SLIT3: variants seen among roughly 807,000 people sequenced by gnomAD.
The protein encoded by SLIT3 is slit guidance ligand 3.
SLIT3 carries 68 observed loss-of-function variants against 184.0 expected under a neutral mutation model. That is an observed-to-expected ratio of 0.37 (90% CI 0.30 to 0.45). The LOEUF (loss-of-function observed/expected upper bound fraction) is 0.45. SLIT3 is among the 20% of genes least tolerant of loss of function. The pLI is 1.00. For missense variants in SLIT3, 1,707 were observed against 2,026.0 expected (o/e 0.84, Z 3.02); for synonymous variants, 831 against 828.6 (o/e 1.00, Z -0.05).
chr5:168,968,217 C>T (rs939243039), intron 4 of SLIT3, among the ~76,000 whole-genome samples: 3 of 152,180 alleles, frequency 2.0e-5, no homozygotes, highest in African/African-American at 7.2e-5. Context: ...TATCAGCAAG[C>T]TTAGCGCCCC....
rs1014450241 is a variant in SLIT3, at chr5:169,295,772, A to G, written c.197+4741T>C. ...CAAACAATACTGGAGAGAAAACAAC[A>G]TAACAATCAAAACGGCAAAAATGCA... On this transcript the variant is annotated intron_variant, in intron 1 of 35. Coordinates refer to ENST00000519560, the MANE Select transcript of SLIT3 (RefSeq NM_003062.4). Among the ~76,000 whole-genome samples the G allele has an allele frequency of 2.6e-5, 4 of 152,268 alleles. No individual in the cohort carries two copies. In the South Asian group the frequency reaches 6.2e-4, roughly 24 times the overall value.
chr5:169,002,941 T>C (rs1270602822), intron 4 of SLIT3, among the ~76,000 whole-genome samples: 1 of 152,220 alleles, frequency 6.6e-6, no homozygotes, highest in Non-Finnish European at 1.5e-5. Context: ...AAAACAAGTA[T>C]ATGCCTAGTA....
chr5:168,994,623 C>CCTTTTTTT (rs1755447165), intron 4 of SLIT3, among the ~76,000 whole-genome samples: 2 of 47,074 alleles, frequency 4.2e-5, no homozygotes, highest in Admixed American at 3.0e-4. Flanking sequence ...TGGCATTCTA[C>CCTTTTTTT]TTTTTTTTTT....
At chr5:169,229,376 G>A (rs1474867629) in intron 3 of SLIT3, among the ~76,000 whole-genome samples, 1 of 152,156 alleles carries the variant, frequency 6.6e-6, no homozygotes, top group Non-Finnish European at 1.5e-5. Flanking sequence ...ATAGAAATAA[G>A]AACGATAACT....
intron 4 of SLIT3, among the ~76,000 whole-genome samples, chr5:169,170,330 G>A (rs1220421943): frequency 6.6e-6 from 1 of 152,142 alleles, no homozygotes; most frequent in Non-Finnish European, 1.5e-5. Context: ...AAGTCCGGAA[G>A]AGTCATAACT....
intron 5 of SLIT3, among the ~76,000 whole-genome samples, chr5:168,881,150 AGATC>A (rs1284165848): frequency 6.6e-6 from 1 of 152,214 alleles, no homozygotes; most frequent in Non-Finnish European, 1.5e-5. Context: ...AACAAAGAGA[AGATC>A]CTCACTGAGT....
Position 169,084,955 on chromosome 5 carries a change from C to T in SLIT3, c.413+108524G>A, listed in dbSNP as rs530594042. Among the ~76,000 whole-genome samples, 129 of 152,306 alleles carry T rather than the reference C, an allele frequency of 8.5e-4. 1 individual carries two copies. Among genetic ancestry groups the T allele is most frequent in the Admixed American group, 6.5e-5 (1 of 15,296 alleles). On this transcript the variant is annotated intron_variant, in intron 4 of 35. Transcript: ENST00000519560. ...ACCAACCTCACCCATTCATGTTACC[C>T]GTGTCTCCCAGCAGGAGTGTCTAAT...
intron 1 of SLIT3, among the ~76,000 whole-genome samples, chr5:169,275,351 C>A (rs549300598): frequency 2.0e-5 from 3 of 152,182 alleles, no homozygotes; most frequent in Non-Finnish European, 2.9e-5. Context: ...AAACCCATAG[C>A]CTTTCTACTG....
At chr5:169,221,005 C>T (rs1334431282) in intron 3 of SLIT3, among the ~76,000 whole-genome samples, 1 of 152,236 alleles carries the variant, frequency 6.6e-6, no homozygotes, top group Non-Finnish European at 1.5e-5. Context: ...TTTCTCGAGA[C>T]AAAGTGCTTT....
intron 6 of SLIT3, among the ~76,000 whole-genome samples, chr5:168,825,951 A>G (rs1757691259): frequency 6.6e-6 from 1 of 152,178 alleles, no homozygotes; most frequent in Admixed American, 6.5e-5. Flanking sequence ...TTGTTGACTG[A>G]CCACCAGACA....
chr5:168,818,042 G>A (rs934758986), intron 7 of SLIT3, among the ~76,000 whole-genome samples: 1 of 152,096 alleles, frequency 6.6e-6, no homozygotes, highest in African/African-American at 2.4e-5. Context: ...TGAGCAGGCT[G>A]CAGACAGAAG....
At chr5:168,997,515 A>G (rs1402757694) in intron 4 of SLIT3, among the ~76,000 whole-genome samples, 1 of 152,094 alleles carries the variant, frequency 6.6e-6, no homozygotes, top group Non-Finnish European at 1.5e-5. Context: ...GGGCCCAAGG[A>G]TTTGGGAGAG....
In SLIT3 at chr5:168,748,205, T is replaced by A. The variant is rs528485293; in HGVS notation, c.2270+97A>T. ...CAAGTAGGGTCTCCCCCCGGCAGTT[T>A]CGCCATGTTGCCTTGCTTGAGATTC... On this transcript the variant is annotated intron_variant, in intron 20 of 35. Transcript: ENST00000519560. 10 of 1,357,380 alleles carry A rather than the reference T, an allele frequency of 7.4e-6. No homozygotes were observed. The Admixed American group carries it at 2.4e-4, about 33-fold the overall frequency. 84.1% of individuals were successfully genotyped at this position (1,357,380 alleles called of 1,614,324 possible).
At chr5:168,930,495 C>G (rs1260528225) in intron 4 of SLIT3, among the ~76,000 whole-genome samples, 4 of 152,134 alleles carry the variant, frequency 2.6e-5, no homozygotes, top group Non-Finnish European at 5.9e-5. Flanking sequence ...TGATGTAAAC[C>G]CCTCCCAGCC....
In SLIT3 at chr5:168,666,904, C is replaced by T. The variant is rs762686536; in HGVS notation, c.4337-215G>A. ...CTCTCTGACAGGCTTACACCTAAGC[C>T]GTGAGGATATAATGATGACAAAAGC... is the stretch of plus-strand genomic sequence containing the variant. On this transcript the variant is annotated intron_variant, in intron 35 of 35. Coordinates refer to ENST00000519560, the MANE Select transcript of SLIT3 (RefSeq NM_003062.4). 5.0e-4 allele frequency: 365 copies of T among 734,460 alleles called. No homozygotes were observed. The highest frequency in any genetic ancestry group is 7.2e-4 in the Non-Finnish European group (308 of 426,802). The allele number at this position is 734,460 out of a possible 1,614,324, so 45.5% of individuals were successfully genotyped here.
chr5:169,086,767 G>T (rs989254677), intron 4 of SLIT3, among the ~76,000 whole-genome samples: 1 of 152,154 alleles, frequency 6.6e-6, no homozygotes, highest in Non-Finnish European at 1.5e-5. Context: ...ATTCATCTCC[G>T]GGAAATCTAT....
intron 4 of SLIT3, among the ~76,000 whole-genome samples, chr5:169,150,122 T>C (rs913599456): frequency 1.3e-5 from 2 of 152,222 alleles, no homozygotes; most frequent in African/African-American, 4.8e-5. Context: ...ATATGCCTTA[T>C]ATGAGCAACA....
At chr5:169,215,559 T>C (rs1342306710) in intron 3 of SLIT3, among the ~76,000 whole-genome samples, 4 of 152,160 alleles carry the variant, frequency 2.6e-5, no homozygotes, top group Non-Finnish European at 5.9e-5. Context: ...AAAGCAACCA[T>C]AAACAATACA....
chr5:168,680,053 G>A (rs144073867), intron 32 of SLIT3, among the ~76,000 whole-genome samples: 79 of 152,168 alleles, frequency 5.2e-4, no homozygotes, highest in African/African-American at 1.8e-3. Context: ...CGGTGGTCCC[G>A]CTTCTCTTGA....
Sources: gnomAD v4.1 joint callset for allele counts (sites outside exome capture counted in the v4.1 genomes callset) on GRCh38, gnomAD v4.1.1 for gene constraint, MANE v1.5 for transcripts, NCBI Gene and HGNC (gene_info 2026-07-23, HGNC 2026-07-21) for gene names.